NDE1: variants seen among roughly 807,000 people sequenced by gnomAD.
NDE1 encodes nuclear distribution protein nudE homolog 1.
A neutral mutation model predicts 43.4 loss-of-function variants in NDE1; 28 were observed. The ratio of observed to expected loss-of-function variants is 0.65; its 90% CI spans 0.48 to 0.89. NDE1 has a LOEUF of 0.89. Among genes scored for constraint, NDE1 ranks in the 40% least tolerant of loss-of-function variants. The pLI, the probability that NDE1 is intolerant of heterozygous loss-of-function variation, is 0.00. For missense variants in NDE1, 441 were observed against 434.1 expected, an observed-to-expected ratio of 1.02 and a Z score of -0.14; for synonymous variants, 184 against 172.0, an observed-to-expected ratio of 1.07 and a Z score of -0.55.
Position 15,664,760 on chromosome 16 carries a change from C to A in NDE1, c.-19C>A. On this transcript the variant is annotated 5_prime_UTR_variant, in exon 2 of 9. Transcript: ENST00000396354. ...GACACCATGCCACAAGGAGAGTGAT[C>A]TCTTCCCCTGTTTTCACAATGGAGG... The A allele has an allele frequency of 6.3e-7, 1 of 1,579,116 alleles. No homozygotes were observed. The highest frequency in any genetic ancestry group is 8.7e-7 in the Non-Finnish European group (1 of 1,148,846).
intron 8 of NDE1, chr16:15,714,430 T>C (rs1382840839): frequency 5.2e-6 from 1 of 193,682 alleles, no homozygotes; most frequent in African/African-American, 2.3e-5. Flanking sequence ...TCAGGGATCT[T>C]TTTCCTTCTG....
intron 8 of NDE1, chr16:15,708,694 C>T (rs1187465310): frequency 1.2e-5 from 14 of 1,198,506 alleles, no homozygotes; most frequent in East Asian, 2.5e-5. Context: ...GCAAGAATCT[C>T]GTGGAAATGT....
At chr16:15,699,508 G>A (rs1029009154) in intron 8 of NDE1, 21 of 1,145,228 alleles carry the variant, frequency 1.8e-5, no homozygotes, top group Non-Finnish European at 2.3e-5. Flanking sequence ...GTAAGAGATG[G>A]ATTTTTCTAG....
intron 1 of NDE1, among the ~76,000 whole-genome samples, chr16:15,652,713 G>A (rs2036564854): frequency 6.6e-6 from 1 of 152,122 alleles, no homozygotes; most frequent in South Asian, 2.1e-4. Flanking sequence ...GCCCAAGCTG[G>A]AACACAGTGA....
chr16:15,647,685 A>G (rs1361424670), upstream of NDE1, among the ~76,000 whole-genome samples: 3 of 152,126 alleles, frequency 2.0e-5, no homozygotes, highest in East Asian at 5.8e-4. Flanking sequence ...GAGGACAGGT[A>G]CTTTGTCTGA....
chr16:15,719,820 A>T, intron 8 of NDE1: 1 of 1,491,086 alleles, frequency 6.7e-7, no homozygotes, highest in Admixed American at 1.7e-5. Context: ...GCAGTTGACC[A>T]CAAAGAAGTT....
chr16:15,704,923 C>T (rs1301692967), intron 8 of NDE1, among the ~76,000 whole-genome samples: 4 of 152,182 alleles, frequency 2.6e-5, no homozygotes, highest in African/African-American at 9.7e-5. Context: ...AAGCAGTTCT[C>T]CTACCTTGGC....
chr16:15,705,570 C>T (rs1309066618), intron 8 of NDE1, among the ~76,000 whole-genome samples: 5 of 152,294 alleles, frequency 3.3e-5, no homozygotes, highest in East Asian at 3.9e-4. Context: ...TGACCTGAAT[C>T]GGAAGACAGG....
chr16:15,699,888 C>T (rs1432600277), intron 8 of NDE1: 2 of 1,289,636 alleles, frequency 1.6e-6, no homozygotes, highest in Admixed American at 2.4e-5. Flanking sequence ...CGTCTTTTTA[C>T]ACTAGGTTTT....
intron 8 of NDE1, among the ~76,000 whole-genome samples, chr16:15,708,064 C>G (rs1280299446): frequency 1.3e-5 from 2 of 152,018 alleles, no homozygotes; most frequent in African/African-American, 4.8e-5. Flanking sequence ...TATCCACTCC[C>G]CAGTCCCTGA....
chr16:15,670,897 G>A (rs1287155983), intron 3 of NDE1, among the ~76,000 whole-genome samples: 2 of 152,020 alleles, frequency 1.3e-5, no homozygotes, highest in Non-Finnish European at 2.9e-5. Context: ...TGGGGGTTTG[G>A]GGCAGGGCGG....
At chr16:15,668,802 A>G (rs1438406491) in intron 3 of NDE1, among the ~76,000 whole-genome samples, 1 of 152,340 alleles carries the variant, frequency 6.6e-6, no homozygotes, top group Non-Finnish European at 1.5e-5. Flanking sequence ...GCACTCTGCC[A>G]GTTCAGAGCA....
intron 8 of NDE1, among the ~76,000 whole-genome samples, chr16:15,719,991 A>G (rs1234463246): frequency 6.6e-6 from 1 of 152,108 alleles, no homozygotes; most frequent in Non-Finnish European, 1.5e-5. Flanking sequence ...AGGGCAGGAG[A>G]CAGCCACCAA....
At chr16:15,651,736 G>A (rs1311028304) in intron 1 of NDE1, among the ~76,000 whole-genome samples, 3 of 151,850 alleles carry the variant, frequency 2.0e-5, no homozygotes, top group Non-Finnish European at 4.4e-5. Flanking sequence ...CACCGTGCCG[G>A]CCTACAACCC....
At chr16:15,643,730 GTTCTCGCA>G (rs1046427580) in exon 1 of NDE1, 2 of 216,590 alleles carry the variant, frequency 9.2e-6, no homozygotes, top group African/African-American at 4.8e-5. Context: ...GTCCCCCGGA[GTTCTCGCA>G]AAGTTGCGAC....
intron 7 of NDE1, among the ~76,000 whole-genome samples, chr16:15,696,236 A>G (rs2039006003): frequency 6.6e-6 from 1 of 150,466 alleles, no homozygotes. Context: ...TTAACTGGGC[A>G]TGATTGCGGA....
At chr16:15,704,091 C>G in intron 8 of NDE1, 1 of 1,614,084 alleles carries the variant, frequency 6.2e-7, no homozygotes, top group Non-Finnish European at 8.5e-7. Flanking sequence ...TCCAGACCTT[C>G]TAGAAGGAAC....
chr16:15,712,830 T>TCTG (rs1371487792), intron 8 of NDE1: 3 of 148,498 alleles, frequency 2.0e-5, no homozygotes, highest in East Asian at 4.0e-4. Flanking sequence ...ATGGGAGGCT[T>TCTG]CTGGGAGAGT....
At chr16:15,717,014 T>G in intron 8 of NDE1, 1 of 1,015,708 alleles carries the variant, frequency 9.8e-7, no homozygotes, top group Non-Finnish European at 1.6e-6. Flanking sequence ...ACCTGCACTG[T>G]AGGCATCACA....
Sources: allele counts gnomAD v4.1 joint callset (sites outside exome capture counted in the v4.1 genomes callset), GRCh38; gene constraint gnomAD v4.1.1; transcripts MANE v1.5; gene names NCBI Gene and HGNC (gene_info 2026-07-23, HGNC 2026-07-21).